The following MYRFL variants were observed in gnomAD, a reference collection of about 807,000 sequenced individuals.
The protein encoded by MYRFL is myelin regulatory factor like, also known as myelin regulatory factor-like protein.
MYRFL carries 88 observed loss-of-function variants against 109.4 expected under a neutral mutation model. The ratio of observed to expected loss-of-function variants is 0.80; its 90% CI spans 0.68 to 0.96. The LOEUF is 0.96. Ranked by LOEUF, MYRFL falls within the 40% of genes least tolerant of loss-of-function variation. MYRFL has a pLI of 0.00. For synonymous variants in MYRFL, 324 were observed against 320.9 expected (o/e 1.01, Z -0.10); for missense variants, 957 against 954.9 (o/e 1.00, Z -0.03).
intron 23 of MYRFL, 151 bp from the exon 24 acceptor site, chr12:69,958,098 G>A: frequency 8.6e-7 from 1 of 1,167,576 alleles, no homozygotes; most frequent in Non-Finnish European, 1.2e-6. Flanking sequence ...CTTCTGTTCT[G>A]TTGCTAGGAC....
At chr12:69,857,063 C>G (rs1592709976) in intron 2 of MYRFL, among the ~76,000 whole-genome samples, 1 of 151,788 alleles carries the variant, frequency 6.6e-6, no homozygotes, top group African/African-American at 2.4e-5. Flanking sequence ...GCTTGAGATA[C>G]AGATTTATAT....
At chr12:69,858,921 T>C (rs1170196510) in intron 2 of MYRFL, among the ~76,000 whole-genome samples, 1 of 151,994 alleles carries the variant, frequency 6.6e-6, no homozygotes, top group Admixed American at 6.6e-5. Context: ...TTCTTTAGAG[T>C]GGAAAGTGAG....
chr12:69,879,286 C>A lies in MYRFL; in HGVS notation c.297C>A (p.His99Gln), dbSNP rs767582206. The A allele has an allele frequency of 7.1e-6, 5 of 702,894 alleles. No homozygotes were observed. The South Asian group carries it at 7.4e-5, about 10-fold the overall frequency. 43.5% of individuals were successfully genotyped at this position (702,894 alleles called of 1,614,324 possible). A position where few individuals can be genotyped will look rare whatever the true frequency, so the allele number is the denominator to read the frequency against. Residue 99 changes from histidine (H) to glutamine (Q), a missense_variant, in exon 4 of 25, where the codon CAC (histidine) becomes CAA (glutamine). Coordinates refer to ENST00000552032, the MANE Select transcript of MYRFL (RefSeq NM_182530.3). ...PTAAPAMPPM[H>Q]PLQSTSGMGD... ...CTGCTCCTGCGATGCCGCCCATGCACCCGCTGCAGAGCACCTCTGGAATGG... is the reference window on the plus strand; with the variant it reads ...CTGCTCCTGCGATGCCGCCCATGCAACCGCTGCAGAGCACCTCTGGAATGG...
intron 1 of MYRFL, among the ~76,000 whole-genome samples, chr12:69,842,758 A>G (rs1047379574): frequency 2.0e-5 from 3 of 152,116 alleles, no homozygotes; most frequent in Non-Finnish European, 4.4e-5. Context: ...GTGAATCCCT[A>G]CTTAACCTTA....
intron 19 of MYRFL, among the ~76,000 whole-genome samples, chr12:69,944,992 G>A (rs114876788): frequency 0.036 from 5,338 of 150,354 alleles, 310 homozygotes; most frequent in African/African-American, 0.12. Flanking sequence ...TTTTTTTAAC[G>A]AAAATAAAAT....
At chr12:69,920,156 TCTC>T (rs1954863859) in intron 13 of MYRFL, among the ~76,000 whole-genome samples, 1 of 152,050 alleles carries the variant, frequency 6.6e-6, no homozygotes, top group Non-Finnish European at 1.5e-5. Context: ...CCTGAGCCAA[TCTC>T]CTCGCAAAGA....
chr12:69,849,197 T>C (rs1314842193), intron 1 of MYRFL, among the ~76,000 whole-genome samples: 1 of 152,250 alleles, frequency 6.6e-6, no homozygotes, highest in Non-Finnish European at 1.5e-5. Context: ...TTGATGTTAG[T>C]TTTCTATCAT....
intron 1 of MYRFL, among the ~76,000 whole-genome samples, chr12:69,847,606 T>C (rs1038815008): frequency 1.3e-5 from 2 of 152,158 alleles, no homozygotes; most frequent in African/African-American, 4.8e-5. Context: ...ACTTCCTCAT[T>C]AGCTGGCTCT....
At chr12:69,934,185 A>G (rs1039113727) in intron 16 of MYRFL, among the ~76,000 whole-genome samples, 1 of 152,140 alleles carries the variant, frequency 6.6e-6, no homozygotes, top group African/African-American at 2.4e-5. Flanking sequence ...TTTTCGCTGG[A>G]CTCACAGCAG....
In MYRFL at chr12:69,843,036, CCTTA is replaced by C. The variant is rs1249582201; in HGVS notation, c.47-12240_47-12237del. Among the ~76,000 whole-genome samples the C allele has an allele frequency of 1.6e-4, 25 of 152,318 alleles. No individual in the cohort carries two copies. In the South Asian group the frequency reaches 3.3e-3, roughly 20 times the overall value. ...GGTAATATCTCTAAGAAAATGTCAT[CCTTA>C]CTTCTCTAACTCTGGACTGGTTGTG... On this transcript the variant is annotated intron_variant, in intron 1 of 24. Coordinates refer to ENST00000552032, the MANE Select transcript of MYRFL (RefSeq NM_182530.3).
rs1885460465 is a variant in MYRFL at position 69,873,256 on chromosome 12, A to C, written c.138-5772A>C. On this transcript the variant is annotated intron_variant, in intron 2 of 24. Coordinates refer to ENST00000552032, the MANE Select transcript of MYRFL (RefSeq NM_182530.3). ...TGATAGATGATGAGCTAAACCAAAA[A>C]AAAATCAGAAAAAAATCTCATAACG... 3.3e-5 allele frequency among the ~76,000 whole-genome samples: 5 copies of C among 152,170 alleles called. No homozygotes were observed. The South Asian group carries it at 1.0e-3, about 32-fold the overall frequency.
chr12:69,879,180 T>C lies in MYRFL; in HGVS notation c.206-15T>C. On this transcript the variant is annotated splice_polypyrimidine_tract_variant and intron_variant, in intron 3 of 24. Transcript: ENST00000552032. ...CCGTGAGAAAGGGGCACTTCCTGCT[T>C]GTGTCTCTCCCCAGGTGCATGCTAC... 6 of 702,788 alleles carry C rather than the reference T, an allele frequency of 8.5e-6. No homozygotes were observed. Among genetic ancestry groups the C allele is most frequent in the Non-Finnish European group, 1.6e-5 (6 of 384,792 alleles). The allele number at this position is 702,788 out of a possible 1,614,324, so 43.5% of individuals were successfully genotyped here.
intron 13 of MYRFL, among the ~76,000 whole-genome samples, chr12:69,924,093 G>A (rs924601055): frequency 4.6e-5 from 7 of 151,006 alleles, no homozygotes; most frequent in East Asian, 3.9e-4. Context: ...GGAGGCTGAG[G>A]CAAGAGAATG....
intron 5 of MYRFL, among the ~76,000 whole-genome samples, chr12:69,882,897 A>G (rs1169169340): frequency 1.3e-5 from 2 of 152,220 alleles, no homozygotes; most frequent in Non-Finnish European, 2.9e-5. Flanking sequence ...CAGAAAATGT[A>G]CCTATCTCAT....
intron 6 of MYRFL, among the ~76,000 whole-genome samples, chr12:69,889,685 C>G (rs1047624361): frequency 6.6e-6 from 1 of 152,108 alleles, no homozygotes; most frequent in African/African-American, 2.4e-5. Flanking sequence ...GAAACCCCAT[C>G]TTTACTAAAA....
At chr12:69,831,325 C>T (rs935306142) in intron 1 of MYRFL, among the ~76,000 whole-genome samples, 3 of 152,120 alleles carry the variant, frequency 2.0e-5, no homozygotes, top group African/African-American at 7.2e-5. Context: ...TGAATGGTTG[C>T]AATAGAGACC....
intron 16 of MYRFL, among the ~76,000 whole-genome samples, chr12:69,934,141 A>C (rs1159409331): frequency 6.6e-6 from 1 of 152,194 alleles, no homozygotes; most frequent in Non-Finnish European, 1.5e-5. Flanking sequence ...GAGAACAAAG[A>C]AGGGGAGACT....
intron 2 of MYRFL, among the ~76,000 whole-genome samples, chr12:69,866,584 G>A (rs11177914): frequency 0.11 from 16,243 of 152,090 alleles, 1,193 homozygotes; most frequent in Middle Eastern, 0.17. Context: ...TCAGACCTGG[G>A]TTTACTACAA....
chr12:69,884,529 G>A (rs1024506046), intron 5 of MYRFL, among the ~76,000 whole-genome samples: 3 of 152,180 alleles, frequency 2.0e-5, no homozygotes, highest in Admixed American at 6.5e-5. Context: ...TCAGTGTCTG[G>A]AGAAGTGGAG....
Sources: allele counts gnomAD v4.1 joint callset (sites outside exome capture counted in the v4.1 genomes callset), GRCh38; gene constraint gnomAD v4.1.1; transcripts MANE v1.5; gene names NCBI Gene and HGNC (gene_info 2026-07-23, HGNC 2026-07-21).